The following RBFOX1 variants were observed in gnomAD, a reference collection of about 807,000 sequenced individuals.
RBFOX1 encodes the protein RNA binding protein fox-1 homolog 1.
RBFOX1 carries 8 observed loss-of-function variants against 57.7 expected under a neutral mutation model. The ratio of observed to expected loss-of-function variants is 0.14; its 90% confidence interval spans 0.08 to 0.25. RBFOX1 has a LOEUF of 0.25. RBFOX1 is among the 10% of genes least tolerant of loss of function. RBFOX1 has a pLI of 1.00. For missense variants in RBFOX1, 611 were observed against 548.5 expected, an observed-to-expected ratio of 1.11 and a Z score of -1.14; for synonymous variants, 326 against 222.4, an observed-to-expected ratio of 1.47 and a Z score of -4.15.
At chr16:5,561,303 T>G (rs1363357351) in intron 2 of RBFOX1, among the ~76,000 whole-genome samples, 2 of 152,146 alleles carry the variant, frequency 1.3e-5, no homozygotes, top group African/African-American at 4.8e-5. Context: ...TTAGTTGGAA[T>G]CAATATGTAT....
intron 3 of RBFOX1, among the ~76,000 whole-genome samples, chr16:6,667,920 A>G (rs988755495): frequency 6.6e-6 from 1 of 152,030 alleles, no homozygotes; most frequent in African/African-American, 2.4e-5. Flanking sequence ...AATAAGTACA[A>G]GCTGCCTGAT....
chr16:6,984,174 G>C (rs1472135082), intron 3 of RBFOX1, among the ~76,000 whole-genome samples: 6 of 152,146 alleles, frequency 3.9e-5, no homozygotes, highest in South Asian at 2.1e-4. Context: ...TTGAACCCTG[G>C]AGGCAGAGGT....
chr16:5,690,728 T>C (rs930040498), intron 3 of RBFOX1, among the ~76,000 whole-genome samples: 3 of 152,118 alleles, frequency 2.0e-5, no homozygotes, highest in East Asian at 1.9e-4. Context: ...AAACTGACGT[T>C]GGGGTGAGGG....
chr16:5,701,707 TACAG>T, intron 3 of RBFOX1, among the ~76,000 whole-genome samples: 1 of 152,318 alleles, frequency 6.6e-6, no homozygotes, highest in African/African-American at 2.4e-5. Flanking sequence ...ATGCTGGGAC[TACAG>T]GTGTGAGCCA....
At chr16:5,623,137 C>T (rs1180212358) in intron 3 of RBFOX1, among the ~76,000 whole-genome samples, 1 of 152,096 alleles carries the variant, frequency 6.6e-6, no homozygotes, top group African/African-American at 2.4e-5. Context: ...CTGGCCAATC[C>T]CTGGCTTAGT....
chr16:7,030,534 A>G (rs2042523281), intron 3 of RBFOX1, among the ~76,000 whole-genome samples: 5 of 150,992 alleles, frequency 3.3e-5, no homozygotes, highest in Admixed American at 2.6e-4. Flanking sequence ...TGGCCACATC[A>G]CTCTAGTCTC....
intron 4 of RBFOX1, among the ~76,000 whole-genome samples, chr16:5,918,366 C>G (rs1193600557): frequency 6.6e-6 from 1 of 152,202 alleles, no homozygotes; most frequent in Non-Finnish European, 1.5e-5. Context: ...GTGATCCACT[C>G]GCCTTCGCCT....
At chr16:5,740,823 T>C (rs998874265) in intron 3 of RBFOX1, among the ~76,000 whole-genome samples, 2 of 152,152 alleles carry the variant, frequency 1.3e-5, no homozygotes, top group East Asian at 3.9e-4. Flanking sequence ...TTAGTATGTC[T>C]TGTGGCGTCT....
At chr16:5,586,734 A>G (rs1248280843) in intron 2 of RBFOX1, among the ~76,000 whole-genome samples, 2 of 152,158 alleles carry the variant, frequency 1.3e-5, no homozygotes, top group African/African-American at 2.4e-5. Flanking sequence ...CGTGGCGTCA[A>G]TGATCTCCCA....
intron 3 of RBFOX1, among the ~76,000 whole-genome samples, chr16:5,699,964 C>T (rs974649227): frequency 3.9e-5 from 6 of 152,164 alleles, no homozygotes; most frequent in Admixed American, 6.5e-5. Flanking sequence ...TCCTGAGTAG[C>T]TGGGACTACA....
At chr16:7,618,151 T>G (rs2058757548) in intron 10 of RBFOX1, among the ~76,000 whole-genome samples, 2 of 152,318 alleles carry the variant, frequency 1.3e-5, no homozygotes, top group South Asian at 4.1e-4. Context: ...GCATAAGACC[T>G]TAAAATTTTA....
intron 3 of RBFOX1, among the ~76,000 whole-genome samples, chr16:7,040,145 C>T (rs868669583): frequency 3.3e-5 from 5 of 152,014 alleles, no homozygotes; most frequent in Middle Eastern, 3.4e-3. Flanking sequence ...CTCAGCCTCC[C>T]GAGTAGCTGG....
At chr16:5,445,789 G>A (rs117883159) in intron 1 of RBFOX1, among the ~76,000 whole-genome samples, 1,717 of 152,322 alleles carry the variant, frequency 0.011, 13 homozygotes, top group Non-Finnish European at 0.02. Context: ...ATGGCTTAAA[G>A]AGGAACATGC....
chr16:7,372,331 C>T (rs2097582153), intron 4 of RBFOX1, among the ~76,000 whole-genome samples: 1 of 152,168 alleles, frequency 6.6e-6, no homozygotes, highest in Non-Finnish European at 1.5e-5. Context: ...ACACAGTGTT[C>T]ACCCTGCTTA....
At chr16:5,897,257 G>A (rs1400602495) in intron 4 of RBFOX1, among the ~76,000 whole-genome samples, 2 of 148,700 alleles carry the variant, frequency 1.3e-5, no homozygotes, top group African/African-American at 2.5e-5. Flanking sequence ...GGATGGTCTC[G>A]ATCTCCTGAC....
intron 3 of RBFOX1, among the ~76,000 whole-genome samples, chr16:6,693,664 C>A (rs899919715): frequency 2.0e-5 from 3 of 151,022 alleles, no homozygotes; most frequent in African/African-American, 7.3e-5. Flanking sequence ...TCATCATCAT[C>A]CTCATCTGCT....
intron 4 of RBFOX1, among the ~76,000 whole-genome samples, chr16:7,425,718 T>A (rs2098603912): frequency 6.6e-6 from 1 of 152,164 alleles, no homozygotes; most frequent in South Asian, 2.1e-4. Context: ...CCAAACATTC[T>A]AGGGGGGATA....
intron 3 of RBFOX1, among the ~76,000 whole-genome samples, chr16:5,833,057 T>G (rs1456565422): frequency 6.6e-6 from 1 of 152,148 alleles, no homozygotes; most frequent in Non-Finnish European, 1.5e-5. Context: ...TTTCAGGGTG[T>G]CCACAGATTT....
chr16:6,827,703 G>A lies in RBFOX1; in HGVS notation c.-16+173053G>A, dbSNP rs74009311. On this transcript the variant is annotated intron_variant, in intron 3 of 15. Coordinates refer to ENST00000550418, the MANE Select transcript of RBFOX1 (RefSeq NM_018723.4). ...ATCCTTCAGGGGCCAGCTTCTCTCC[G>A]TCCCATGGTTGTTTGCCCATGCTGA... Among the ~76,000 whole-genome samples, 557 of 152,130 alleles carry A rather than the reference G, an allele frequency of 3.7e-3. 5 individuals are homozygous for A. The highest frequency in any genetic ancestry group is 0.013 in the African/African-American group (519 of 41,510).
Sources: gnomAD v4.1 joint callset for allele counts (sites outside exome capture counted in the v4.1 genomes callset) on GRCh38, gnomAD v4.1.1 for gene constraint, MANE v1.5 for transcripts, NCBI Gene and HGNC (gene_info 2026-07-23, HGNC 2026-07-21) for gene names.